PSMD12: variants seen among roughly 807,000 people sequenced by gnomAD.
The protein encoded by PSMD12 is 26S proteasome non-ATPase regulatory subunit 12.
A neutral mutation model predicts 62.9 loss-of-function variants in PSMD12; 8 were observed. That is an observed-to-expected ratio of 0.13 (90% CI 0.07 to 0.23). The LOEUF is 0.23. Ranked by LOEUF, PSMD12 falls within the 10% of genes least tolerant of loss-of-function variation. The pLI is 1.00. For missense variants in PSMD12, 424 were observed against 550.2 expected (o/e 0.77, Z 2.29); for synonymous variants, 173 against 187.4 (o/e 0.92, Z 0.63).
chr17:67,353,170 G>GA (rs2143710688), intron 3 of PSMD12, among the ~76,000 whole-genome samples: 1 of 152,206 alleles, frequency 6.6e-6, no homozygotes, highest in African/African-American at 2.4e-5. Flanking sequence ...GCTCCTCTCT[G>GA]AAAAAAATGC....
chr17:67,348,510 C>G, intron 5 of PSMD12, 40 bp downstream of exon 5: 1 of 1,525,962 alleles, frequency 6.6e-7, no homozygotes, highest in Non-Finnish European at 9.1e-7. Context: ...ATGCTGCTGA[C>G]AAAACAAAGT....
At chr17:67,355,089 GTTTTT>G (rs533603458) in intron 3 of PSMD12, among the ~76,000 whole-genome samples, 1 of 121,396 alleles carries the variant, frequency 8.2e-6, no homozygotes, top group Non-Finnish European at 1.7e-5. Context: ...CATATTTTTG[GTTTTT>G]TTTTTTTTTT....
chr17:67,341,361 C>G (rs2041913148), intron 10 of PSMD12, among the ~76,000 whole-genome samples: 2 of 147,516 alleles, frequency 1.4e-5, no homozygotes, highest in Admixed American at 7.0e-5. Flanking sequence ...CCCAGCTACT[C>G]AGGAGGCTGA....
chr17:67,364,346 G>T lies in PSMD12; in HGVS notation c.108+2066C>A, dbSNP rs1312139324. Among the ~76,000 whole-genome samples, 4 of 152,172 alleles carry T rather than the reference G, an allele frequency of 2.6e-5. No homozygotes were observed. In the East Asian group the frequency reaches 7.7e-4, roughly 29 times the overall value. On this transcript the variant is annotated intron_variant, in intron 1 of 10. Coordinates refer to ENST00000356126, the MANE Select transcript of PSMD12 (RefSeq NM_002816.5). ...AAAAAGGCATATGGTATTGGAGTTT[G>T]CAAGTTTTTCAACAGCCTGGAGCAT...
intron 9 of PSMD12, among the ~76,000 whole-genome samples, chr17:67,343,697 GTA>G (rs2041936797): frequency 6.6e-6 from 1 of 152,070 alleles, no homozygotes; most frequent in Non-Finnish European, 1.5e-5. Context: ...TAAAGGTAGA[GTA>G]ATGGGTAATG....
chr17:67,341,131 G>C, intron 10 of PSMD12, 79 bp from the exon 11 acceptor site: 1 of 1,118,632 alleles, frequency 8.9e-7, no homozygotes, highest in South Asian at 1.5e-5. Flanking sequence ...AGCATTTTCT[G>C]AACTCTTCAT....
intron 10 of PSMD12, 82 bp downstream of exon 10, chr17:67,342,104 A>G (rs78248563): frequency 9.6e-7 from 1 of 1,039,886 alleles, no homozygotes; most frequent in East Asian, 2.4e-5. Context: ...TTAAATCATA[A>G]CATTGATTTT....
At chr17:67,363,990 A>C (rs775670600) in intron 1 of PSMD12, among the ~76,000 whole-genome samples, 1 of 152,186 alleles carries the variant, frequency 6.6e-6, no homozygotes, top group Non-Finnish European at 1.5e-5. Flanking sequence ...TGGAGGTTGC[A>C]GTGAGCCAAG....
Position 67,357,356 on chromosome 17 carries a change from A to T in PSMD12, c.244T>A (p.Leu82Ile). Residue 82 changes from leucine to isoleucine, a missense_variant, in exon 3 of 11, where the codon TTA becomes ATA. Coordinates refer to ENST00000356126, the MANE Select transcript of PSMD12 (RefSeq NM_002816.5). ...KMCYEAKEWD[L>I]LNENIMLLSK... Reference sequence around the variant, plus strand: ...AAAAGCATAATATTTTCATTAAGTAAATCCCATTCTTTAGCCTCATAGCAC... The same window carrying T: ...AAAAGCATAATATTTTCATTAAGTATATCCCATTCTTTAGCCTCATAGCAC... 6.2e-7 allele frequency: 1 copy of T among 1,613,876 alleles called. No individual in the cohort carries two copies.
chr17:67,354,594 T>C (rs912922506), intron 3 of PSMD12, among the ~76,000 whole-genome samples: 16 of 152,162 alleles, frequency 1.1e-4, no homozygotes, highest in African/African-American at 3.6e-4. Context: ...CCTTTCAAAA[T>C]TGTCCCATAG....
At chr17:67,345,276 T>TA (rs1039264256) in intron 8 of PSMD12, among the ~76,000 whole-genome samples, 21 of 151,616 alleles carry the variant, frequency 1.4e-4, no homozygotes, top group Non-Finnish European at 2.5e-4. Context: ...GATGCAATGC[T>TA]AAAAAAAAAT....
At chr17:67,362,679 A>C (rs1244467325) in intron 1 of PSMD12, 1 of 140,270 alleles carries the variant, frequency 7.1e-6, no homozygotes, top group Non-Finnish European at 1.6e-5. Flanking sequence ...AAAAAACAAA[A>C]AAAACCCAAA....
At chr17:67,341,673 C>G (rs181450870) in intron 10 of PSMD12, among the ~76,000 whole-genome samples, 99 of 152,164 alleles carry the variant, frequency 6.5e-4, no homozygotes, top group Non-Finnish European at 1.1e-3. Flanking sequence ...CAAAGTTTCC[C>G]CTTAAAAGGC....
At chr17:67,358,585 A>AAAAAAG in intron 1 of PSMD12, among the ~76,000 whole-genome samples, 1 of 149,302 alleles carries the variant, frequency 6.7e-6, no homozygotes, top group Non-Finnish European at 1.5e-5. Flanking sequence ...AAAAAAAAAA[A>AAAAAAG]AGAAAAGAAA....
intron 10 of PSMD12, 79 bp from the exon 11 acceptor site, chr17:67,341,131 G>A: frequency 8.9e-7 from 1 of 1,118,632 alleles, no homozygotes; most frequent in Non-Finnish European, 1.3e-6. Flanking sequence ...AGCATTTTCT[G>A]AACTCTTCAT....
At chr17:67,358,586 A>G (rs1156773012) in intron 1 of PSMD12, among the ~76,000 whole-genome samples, 2 of 136,400 alleles carry the variant, frequency 1.5e-5, no homozygotes, top group Admixed American at 7.3e-5. Flanking sequence ...AAAAAAAAAA[A>G]GAAAAGAAAA....
chr17:67,344,499 T>C (rs933612511), intron 9 of PSMD12, 107 bp downstream of exon 9: 1 of 1,015,548 alleles, frequency 9.8e-7, no homozygotes. Flanking sequence ...GGTTATCAAA[T>C]GTGACAAATG....
chr17:67,352,433 C>G (rs1459102314), intron 3 of PSMD12, among the ~76,000 whole-genome samples: 2 of 152,138 alleles, frequency 1.3e-5, no homozygotes, highest in African/African-American at 4.8e-5. Context: ...TTATTGTAAA[C>G]TATAACTCTT....
chr17:67,360,499 T>A (rs1271402634), intron 1 of PSMD12, among the ~76,000 whole-genome samples: 1 of 152,250 alleles, frequency 6.6e-6, no homozygotes, highest in Non-Finnish European at 1.5e-5. Context: ...ATATTCTATT[T>A]TGGTGTTTAC....
Sources: gnomAD v4.1 joint callset for allele counts (sites outside exome capture counted in the v4.1 genomes callset) on GRCh38, gnomAD v4.1.1 for gene constraint, MANE v1.5 for transcripts, NCBI Gene and HGNC (gene_info 2026-07-23, HGNC 2026-07-21) for gene names.